Variants in MITF observed in about 807,000 individuals in gnomAD.
MITF encodes microphthalmia-associated transcription factor.
A neutral mutation model predicts 60.5 loss-of-function variants in MITF; 17 were observed. The observed-to-expected ratio is 0.28, with a 90% confidence interval of 0.19 to 0.42. The LOEUF (loss-of-function observed/expected upper bound fraction) is 0.42. Among genes scored for constraint, MITF ranks in the 10% least tolerant of loss-of-function variants. MITF has a pLI of 1.00. For missense variants in MITF, 622 were observed against 683.5 expected (o/e 0.91, Z 1.00); for synonymous variants, 260 against 248.5 (o/e 1.05, Z -0.43).
chr3:69,779,710 T>G (rs1165175168), intron 1 of MITF, among the ~76,000 whole-genome samples: 1 of 152,142 alleles, frequency 6.6e-6, no homozygotes, highest in Non-Finnish European at 1.5e-5. Flanking sequence ...TAATTAAAAT[T>G]AAAATTAAAA....
intron 1 of MITF, among the ~76,000 whole-genome samples, chr3:69,860,236 G>T (rs982709867): frequency 8.5e-5 from 13 of 152,192 alleles, no homozygotes; most frequent in African/African-American, 3.1e-4. Flanking sequence ...TAAGGTAAGG[G>T]ATTAATCCGT....
At chr3:69,768,878 C>A (rs2062344618) in intron 1 of MITF, among the ~76,000 whole-genome samples, 1 of 152,170 alleles carries the variant, frequency 6.6e-6, no homozygotes, top group African/African-American at 2.4e-5. Flanking sequence ...AAAGATGAAG[C>A]ATTCAAATTT....
intron 2 of MITF, among the ~76,000 whole-genome samples, chr3:69,889,993 C>T (rs916696571): frequency 6.6e-6 from 1 of 152,070 alleles, no homozygotes; most frequent in Non-Finnish European, 1.5e-5. Flanking sequence ...AATAATAAAT[C>T]ACATAATGAT....
chr3:69,865,958 G>C (rs2064106376), intron 1 of MITF, among the ~76,000 whole-genome samples: 1 of 152,136 alleles, frequency 6.6e-6, no homozygotes, highest in African/African-American at 2.4e-5. Flanking sequence ...GTCTCTGCAA[G>C]CCTCAGCCAG....
intron 1 of MITF, among the ~76,000 whole-genome samples, chr3:69,823,342 C>G (rs529077821): frequency 6.6e-6 from 1 of 152,140 alleles, no homozygotes. Context: ...TTATTTTTCA[C>G]GGTTCTGAAG....
chr3:69,808,852 A>G (rs956966530), intron 1 of MITF, among the ~76,000 whole-genome samples: 9 of 152,218 alleles, frequency 5.9e-5, no homozygotes, highest in Admixed American at 5.2e-4. Context: ...ACATGATCAG[A>G]TGTGCTTTGG....
chr3:69,882,068 T>C (rs1296968425), intron 2 of MITF, among the ~76,000 whole-genome samples: 1 of 152,206 alleles, frequency 6.6e-6, no homozygotes, highest in Non-Finnish European at 1.5e-5. Context: ...TTCTGCTATC[T>C]GGATGAATGA....
chr3:69,863,126 G>A (rs1359198989), intron 1 of MITF, among the ~76,000 whole-genome samples: 1 of 152,134 alleles, frequency 6.6e-6, no homozygotes, highest in Non-Finnish European at 1.5e-5. Flanking sequence ...TATTCATCAA[G>A]CCATGGACTG....
rs2066648602 is a variant in MITF at position 69,964,968 on chromosome 3, A to G, written c.1301A>G (p.Asp434Gly). 1 of 1,613,802 alleles carries G rather than the reference A, an allele frequency of 6.2e-7. No homozygotes were observed. The highest frequency in any genetic ancestry group is 8.5e-7 in the Non-Finnish European group (1 of 1,179,950). Residue 434 changes from aspartate (D) to glycine (G), a missense_variant, in exon 10 of 10, where the codon GAC becomes GGC. Asp to Gly is a moderately conservative substitution (Grantham distance 94, BLOSUM62 -1). This residue lies in a region of MITF where 224 missense variants were observed against 209.5 expected (regional missense o/e 1.07). Coordinates refer to ENST00000352241, the MANE Select transcript of MITF (RefSeq NM_001354604.2). Reference sequence around the variant, plus strand: ...CCCGTTCTTGAGAACTGCAGCCAAGACCTCCTTCAGCATCATGCAGACCTA... The same window carrying G: ...CCCGTTCTTGAGAACTGCAGCCAAGGCCTCCTTCAGCATCATGCAGACCTA... Reference protein sequence around the residue: ...QEPVLENCSQDLLQHHADLTC... With the variant: ...QEPVLENCSQGLLQHHADLTC...
At chr3:69,943,199 G>A (rs893821490) in intron 5 of MITF, among the ~76,000 whole-genome samples, 1 of 151,284 alleles carries the variant, frequency 6.6e-6, no homozygotes, top group South Asian at 2.1e-4. Context: ...ACTACACCTG[G>A]CCTGACCTTC....
At chr3:69,841,033 G>A (rs1272049833) in intron 1 of MITF, among the ~76,000 whole-genome samples, 3 of 152,070 alleles carry the variant, frequency 2.0e-5, no homozygotes, top group South Asian at 2.1e-4. Context: ...TGGAATTATG[G>A]GTGTGAGCCA....
intron 1 of MITF, among the ~76,000 whole-genome samples, chr3:69,834,792 C>T (rs2107114714): frequency 6.6e-6 from 1 of 151,038 alleles, no homozygotes; most frequent in African/African-American, 2.4e-5. Flanking sequence ...ATCTCTCTAA[C>T]AGTGTGTAAG....
chr3:69,949,146 C>A lies in MITF; in HGVS notation c.858C>A (p.Pro286=). The A allele has an allele frequency of 6.2e-7, 1 of 1,613,300 alleles. No homozygotes were observed. The highest frequency in any genetic ancestry group is 1.1e-5 in the South Asian group (1 of 91,042). ...TISNSCPANL[P]NIKRELTACI... ...GCAACTCCTGTCCAGCCAACCTTCC[C>A]AACATAAAAAGGGAGCTCACAGGTA... The change falls in exon 6 of 10, where the codon CCC becomes CCA. Residue 286 remains proline, a synonymous_variant. Coordinates refer to ENST00000352241, the MANE Select transcript of MITF (RefSeq NM_001354604.2).
rs1246188801 is a variant in MITF at position 69,959,306 on chromosome 3, A to G, written c.1065A>G (p.Lys355=). ...GCTGGAACAAGGGAACCATCTTAAA[A>G]GCATCCGTGGACTATATCCGAAAGT... ...DMRWNKGTIL[K]ASVDYIRKLQ... Residue 355 remains lysine, a synonymous_variant, in exon 9 of 10, where the codon AAA becomes AAG. Transcript: ENST00000352241. 4 of 1,614,022 alleles carry G rather than the reference A, an allele frequency of 2.5e-6. No homozygotes were observed. Among genetic ancestry groups the G allele is most frequent in the Non-Finnish European group, 2.5e-6 (3 of 1,180,014 alleles).
chr3:69,769,134 T>C (rs1559619010), intron 1 of MITF, among the ~76,000 whole-genome samples: 1 of 152,218 alleles, frequency 6.6e-6, no homozygotes, highest in Non-Finnish European at 1.5e-5. Context: ...GTTTGAGTCT[T>C]TGTTGTACTA....
At chr3:69,748,974 G>A (rs891290898) in intron 1 of MITF, among the ~76,000 whole-genome samples, 1 of 152,158 alleles carries the variant, frequency 6.6e-6, no homozygotes, top group Non-Finnish European at 1.5e-5. Context: ...ATTTACTTTG[G>A]TACCTTTACC....
chr3:69,938,920 A>G lies in MITF; in HGVS notation c.583-178A>G, dbSNP rs568970779. ...TTATTTTTCTCTACCCAAATTTGTC[A>G]TCTAGCAAGATGATTTGACACAAGT... is the stretch of plus-strand genomic sequence containing the variant. On this transcript the variant is annotated intron_variant, in intron 3 of 9. Coordinates refer to ENST00000352241, the MANE Select transcript of MITF (RefSeq NM_001354604.2). 3.6e-5 allele frequency: 53 copies of G among 1,484,750 alleles called. No individual in the cohort carries two copies. In the South Asian group the frequency reaches 6.2e-4, roughly 17 times the overall value. The allele number at this position is 1,484,750 out of a possible 1,614,324, so 92.0% of individuals were successfully genotyped here.
chr3:69,865,428 C>G (rs1003208485), intron 1 of MITF, among the ~76,000 whole-genome samples: 73 of 152,222 alleles, frequency 4.8e-4, no homozygotes, highest in African/African-American at 1.7e-3. Flanking sequence ...GTGCTGAGTC[C>G]TGTAGGAGCT....
intron 1 of MITF, among the ~76,000 whole-genome samples, chr3:69,741,968 C>T (rs1363329636): frequency 2.0e-5 from 3 of 152,166 alleles, no homozygotes; most frequent in Non-Finnish European, 4.4e-5. Context: ...CTGCTGTAGC[C>T]GTTCTGCCTA....
Sources: allele counts gnomAD v4.1 joint callset (sites outside exome capture counted in the v4.1 genomes callset), GRCh38; gene constraint gnomAD v4.1.1; regional missense constraint gnomAD v4.1.1; transcripts MANE v1.5; gene names NCBI Gene and HGNC (gene_info 2026-07-23, HGNC 2026-07-21).